Variants in SIM1 observed in about 807,000 individuals in gnomAD.
SIM1 encodes single-minded homolog 1.
A neutral mutation model predicts 78.2 loss-of-function variants in SIM1; 18 were observed. The ratio of observed to expected loss-of-function variants is 0.23; its 90% CI spans 0.16 to 0.34. The LOEUF is 0.34. SIM1 is among the 10% of genes least tolerant of loss of function. The probability of loss-of-function intolerance (pLI) is 1.00; values close to 1 mark genes in which losing one functional copy is unlikely to be tolerated. For missense variants in SIM1, 939 were observed against 975.1 expected (o/e 0.96, Z 0.49); for synonymous variants, 417 against 385.2 (o/e 1.08, Z -0.97).
At chr6:100,459,370 CA>C (rs1202438163) in intron 2 of SIM1, among the ~76,000 whole-genome samples, 3 of 152,138 alleles carry the variant, frequency 2.0e-5, no homozygotes, top group African/African-American at 7.2e-5. Flanking sequence ...AAGTCAACAT[CA>C]AAACTGGAAT....
At chr6:100,456,497 G>A (rs1217139039) in intron 2 of SIM1, among the ~76,000 whole-genome samples, 1 of 152,252 alleles carries the variant, frequency 6.6e-6, no homozygotes, top group Non-Finnish European at 1.5e-5. Flanking sequence ...GAGGCCGAGG[G>A]AACGGGGTTT....
intron 9 of SIM1, among the ~76,000 whole-genome samples, chr6:100,422,834 T>C (rs1451501826): frequency 7.2e-5 from 11 of 152,154 alleles, no homozygotes; most frequent in Non-Finnish European, 1.2e-4. Context: ...CAATTTAAAA[T>C]GGACAAAATA....
chr6:100,448,882 C>A (rs1020083369), intron 6 of SIM1, among the ~76,000 whole-genome samples: 1 of 152,250 alleles, frequency 6.6e-6, no homozygotes, highest in East Asian at 1.9e-4. Context: ...CACCTGGGAG[C>A]GCGTACAAAA....
Position 100,386,609 on chromosome 6 carries a change from C to G in SIM1, c.*3752G>C, listed in dbSNP as rs559987440. 1 of 152,082 alleles carries G rather than the reference C, an allele frequency of 6.6e-6. No individual in the cohort carries two copies. The highest frequency in any genetic ancestry group is 2.4e-5 in the African/African-American group (1 of 41,540). The allele number at this position is 152,082 out of a possible 1,614,324, so 9.4% of individuals were successfully genotyped here. ...AGAAATAAAAATTGGAGCACACTAC[C>G]CTTTTCTAGAAGATCCCCTAAAGCT... On this transcript the variant is annotated 3_prime_UTR_variant, in exon 12 of 12. Coordinates refer to ENST00000369208, the MANE Select transcript of SIM1 (RefSeq NM_005068.3).
In SIM1 at chr6:100,387,337, C is replaced by T. The variant is rs539465733; in HGVS notation, c.*3024G>A. Reference sequence around the variant, plus strand: ...GTTTAACTGATTAAATTATCGGGAACGTAGTTATTTTATATACTATTTTTA... The same window carrying T: ...GTTTAACTGATTAAATTATCGGGAATGTAGTTATTTTATATACTATTTTTA... On this transcript the variant is annotated 3_prime_UTR_variant, in exon 12 of 12. Transcript: ENST00000369208. 9 of 152,096 alleles carry T rather than the reference C, an allele frequency of 5.9e-5. No individual in the cohort carries two copies. Among genetic ancestry groups the T allele is most frequent in the African/African-American group, 1.7e-4 (7 of 41,522 alleles). 9.4% of individuals were successfully genotyped at this position (152,096 alleles called of 1,614,324 possible).
chr6:100,390,441 C>T lies in SIM1; in HGVS notation c.2221G>A (p.Val741Ile), dbSNP rs1210328899. Reference sequence around the variant, plus strand: ...GGTTGCATCCTCAGATGGGAAGTTACATCAAAGTGTGAGCCATTACAGCCC... The same window carrying T: ...GGTTGCATCCTCAGATGGGAAGTTATATCAAAGTGTGAGCCATTACAGCCC... ...SLGCNGSHFD[V>I]TSHLRMQPDP... is the part of the protein sequence containing the mutation. Residue 741 changes from valine to isoleucine, a missense_variant, in exon 12 of 12, where the codon GTA (valine) becomes ATA (isoleucine). By Grantham distance (29) the Val-to-Ile change is conservative. Coordinates refer to ENST00000369208, the MANE Select transcript of SIM1 (RefSeq NM_005068.3). 2 of 1,614,016 alleles carry T rather than the reference C, an allele frequency of 1.2e-6. No homozygotes were observed. The highest frequency in any genetic ancestry group is 1.7e-6 in the Non-Finnish European group (2 of 1,180,022).
Position 100,449,347 on chromosome 6 carries a change from T to C in SIM1, c.543+16A>G. ...CTCCTCTGACTCCACCCGGAGCGGATCTTCCAGCTACGCACCTTGTAGCCG... is the reference window on the plus strand; with the variant it reads ...CTCCTCTGACTCCACCCGGAGCGGACCTTCCAGCTACGCACCTTGTAGCCG... On this transcript the variant is annotated intron_variant, in intron 6 of 11. Transcript: ENST00000369208. 6.2e-7 allele frequency: 1 copy of C among 1,606,688 alleles called. No homozygotes were observed. The highest frequency in any genetic ancestry group is 8.5e-7 in the Non-Finnish European group (1 of 1,173,774).
intron 10 of SIM1, among the ~76,000 whole-genome samples, chr6:100,412,713 A>C (rs1300329859): frequency 7.4e-6 from 1 of 135,894 alleles, no homozygotes; most frequent in Non-Finnish European, 1.6e-5. Flanking sequence ...GAAAGAAAGA[A>C]AGAAAGAAAG....
intron 10 of SIM1, among the ~76,000 whole-genome samples, chr6:100,404,912 A>G (rs1162027552): frequency 6.6e-6 from 1 of 152,204 alleles, no homozygotes; most frequent in East Asian, 1.9e-4. Context: ...CAAATAATAA[A>G]GTTCATTTCT....
chr6:100,459,970 G>A (rs1562065398), intron 2 of SIM1, among the ~76,000 whole-genome samples: 2 of 152,154 alleles, frequency 1.3e-5, no homozygotes, highest in Non-Finnish European at 2.9e-5. Flanking sequence ...ACATTTCCAT[G>A]TGCCTCAATT....
Position 100,400,980 on chromosome 6 carries a change from G to GA in SIM1, c.1168-7092dup, listed in dbSNP as rs34396535. Among the ~76,000 whole-genome samples the GA allele has an allele frequency of 4.4e-3, 656 of 149,188 alleles. 4 individuals carry two copies. The highest frequency in any genetic ancestry group is 0.014 in the African/African-American group (560 of 40,570). Reference sequence around the variant, plus strand: ...CCACAGATTGCTTTTTAATTAGAAGGAAAAAAAAACAGTTATACAGTAAAG... The same window carrying GA: ...CCACAGATTGCTTTTTAATTAGAAGGAAAAAAAAAACAGTTATACAGTAAAG... On this transcript the variant is annotated intron_variant, in intron 10 of 11. Coordinates refer to ENST00000369208, the MANE Select transcript of SIM1 (RefSeq NM_005068.3).
intron 10 of SIM1, among the ~76,000 whole-genome samples, chr6:100,407,020 T>C (rs994286233): frequency 1.3e-5 from 2 of 152,202 alleles, no homozygotes; most frequent in Non-Finnish European, 2.9e-5. Flanking sequence ...TATCATTCTC[T>C]ATGAGTTTGA....
chr6:100,450,197 C>T, intron 4 of SIM1, 70 bp downstream of exon 4: 1 of 1,352,556 alleles, frequency 7.4e-7, no homozygotes, highest in East Asian at 2.3e-5. Flanking sequence ...GCCCCCAACC[C>T]AGCCCCCTAC....
intron 10 of SIM1, among the ~76,000 whole-genome samples, chr6:100,394,232 T>C (rs959213921): frequency 9.2e-5 from 14 of 152,336 alleles, no homozygotes; most frequent in African/African-American, 3.4e-4. Context: ...GCGCTATTAG[T>C]ATCCCCAGTT....
At chr6:100,462,898 C>CAAA (rs146777329) in intron 2 of SIM1, 9,378 of 161,618 alleles carry the variant, frequency 0.058, 956 homozygotes, top group African/African-American at 0.21. Context: ...CCACACCTGG[C>CAAA]AAAAAAAAAA....
chr6:100,410,563 A>G (rs983836751), intron 10 of SIM1, among the ~76,000 whole-genome samples: 1 of 152,196 alleles, frequency 6.6e-6, no homozygotes, highest in African/African-American at 2.4e-5. Context: ...GGATTTGAGA[A>G]GCAAGTTATC....
Position 100,449,646 on chromosome 6 carries a change from G to C in SIM1, c.402C>G (p.Asp134Glu). Reference protein sequence around the residue: ...IYEYIHPADHDEMTAVLTAHQ... With the variant: ...IYEYIHPADHEEMTAVLTAHQ... Reference sequence around the variant, plus strand: ...GGGCGGTGAGCACCGCCGTCATCTCGTCGTGGTCTGCCGGGTGAATGTATT... The same window carrying C: ...GGGCGGTGAGCACCGCCGTCATCTCCTCGTGGTCTGCCGGGTGAATGTATT... The change falls in exon 5 of 12, where the codon GAC becomes GAG. Residue 134 changes from aspartate to glutamate, a missense_variant. This residue lies in a region of SIM1 where 187 missense variants were observed against 191.6 expected (regional missense o/e 0.98). Transcript: ENST00000369208. The C allele has an allele frequency of 6.2e-7, 1 of 1,614,088 alleles. No homozygotes were observed. Among genetic ancestry groups the C allele is most frequent in the Non-Finnish European group, 8.5e-7 (1 of 1,180,032 alleles).
intron 9 of SIM1, among the ~76,000 whole-genome samples, chr6:100,422,930 G>A (rs1771633617): frequency 6.6e-6 from 1 of 152,090 alleles, no homozygotes; most frequent in Non-Finnish European, 1.5e-5. Flanking sequence ...CAAACACAGG[G>A]CAATGATGTA....
intron 9 of SIM1, among the ~76,000 whole-genome samples, chr6:100,443,063 C>T (rs1281832515): frequency 6.6e-6 from 1 of 151,782 alleles, no homozygotes; most frequent in Non-Finnish European, 1.5e-5. Flanking sequence ...TATAGAGCCC[C>T]CTTTTTTTTT....
Sources: allele counts gnomAD v4.1 joint callset (sites outside exome capture counted in the v4.1 genomes callset), GRCh38; gene constraint gnomAD v4.1.1; regional missense constraint gnomAD v4.1.1; transcripts MANE v1.5; gene names NCBI Gene and HGNC (gene_info 2026-07-23, HGNC 2026-07-21).